Variants in PDE7B observed in about 807,000 individuals in gnomAD.
PDE7B encodes 3',5'-cyclic-AMP phosphodiesterase 7B.
A neutral mutation model predicts 56.2 loss-of-function variants in PDE7B; 29 were observed. The ratio of observed to expected loss-of-function variants is 0.52; its 90% CI spans 0.38 to 0.70. The LOEUF is 0.70. PDE7B is among the 30% of genes least tolerant of loss of function. PDE7B has a pLI of 0.00. For synonymous variants in PDE7B, 197 were observed against 196.9 expected (o/e 1.00, Z 0.00); for missense variants, 490 against 565.0 (o/e 0.87, Z 1.35).
intron 2 of PDE7B, among the ~76,000 whole-genome samples, chr6:136,008,195 G>A (rs190882330): frequency 0.015 from 2,297 of 152,082 alleles, 23 homozygotes; most frequent in Non-Finnish European, 0.024. Context: ...AGTATTCCAT[G>A]GTGTATATGT....
intron 2 of PDE7B, among the ~76,000 whole-genome samples, chr6:136,010,764 T>C (rs991545747): frequency 4.6e-5 from 7 of 152,044 alleles, no homozygotes; most frequent in Admixed American, 1.3e-4. Flanking sequence ...GAGATTTGGG[T>C]GGGAACACAG....
rs560934978 is a variant in PDE7B at position 136,004,365 on chromosome 6, G to A, written c.82+56841G>A. 2.6e-4 allele frequency among the ~76,000 whole-genome samples: 40 copies of A among 152,064 alleles called. No homozygotes were observed. The East Asian group carries it at 7.4e-3, about 28-fold the overall frequency. ...AAGTTCTGGCCAGGGCAATTAGGCA[G>A]GAGAAGGAAATAAAGGGTATTCAAT... On this transcript the variant is annotated intron_variant, in intron 2 of 12. Transcript: ENST00000308191.
rs186474840 is a variant in PDE7B at position 135,917,853 on chromosome 6, A to G, written c.22-29611A>G. 1.1e-4 allele frequency among the ~76,000 whole-genome samples: 16 copies of G among 152,144 alleles called. No individual in the cohort carries two copies. The East Asian group carries it at 2.9e-3, about 28-fold the overall frequency. ...CAGGGCTAAAGTGGCCTCCCTCTTA[A>G]AGTATGGTGATTGGAGATCTCAGCT... On this transcript the variant is annotated intron_variant, in intron 1 of 12. Coordinates refer to ENST00000308191, the MANE Select transcript of PDE7B (RefSeq NM_018945.4).
At chr6:136,153,456 T>C (rs1047859401) in intron 6 of PDE7B, among the ~76,000 whole-genome samples, 1 of 152,192 alleles carries the variant, frequency 6.6e-6, no homozygotes, top group Admixed American at 6.5e-5. Flanking sequence ...CTCTACTTGG[T>C]TCCAAGAGTA....
At chr6:136,017,445 A>T in intron 2 of PDE7B, among the ~76,000 whole-genome samples, 1 of 150,542 alleles carries the variant, frequency 6.6e-6, no homozygotes. Flanking sequence ...GCATCCATTA[A>T]CTCGTCATTT....
At chr6:136,148,091 G>C (rs984174472) in intron 4 of PDE7B, among the ~76,000 whole-genome samples, 2 of 152,050 alleles carry the variant, frequency 1.3e-5, no homozygotes, top group African/African-American at 4.8e-5. Context: ...ACTGCCAAAG[G>C]AATTTAAATT....
chr6:136,062,946 C>T (rs1254384295), intron 2 of PDE7B, among the ~76,000 whole-genome samples: 1 of 152,060 alleles, frequency 6.6e-6, no homozygotes, highest in East Asian at 1.9e-4. Flanking sequence ...TTAACACTGA[C>T]CCATGTTTAG....
At chr6:136,071,752 C>T (rs1292782757) in intron 2 of PDE7B, among the ~76,000 whole-genome samples, 1 of 152,104 alleles carries the variant, frequency 6.6e-6, no homozygotes, top group Non-Finnish European at 1.5e-5. Flanking sequence ...ATGATCACAC[C>T]ACTGCACTCC....
intron 3 of PDE7B, among the ~76,000 whole-genome samples, chr6:136,138,135 G>A (rs1053580509): frequency 6.6e-6 from 1 of 151,988 alleles, no homozygotes; most frequent in Non-Finnish European, 1.5e-5. Context: ...TTATTACCAG[G>A]CACACTGTTA....
intron 1 of PDE7B, among the ~76,000 whole-genome samples, chr6:135,871,933 A>G (rs1775389934): frequency 6.6e-6 from 1 of 152,228 alleles, no homozygotes; most frequent in African/African-American, 2.4e-5. Context: ...TTCTTAGGAA[A>G]CTATGAATGG....
At chr6:136,098,438 G>C (rs374149392) in intron 2 of PDE7B, among the ~76,000 whole-genome samples, 42 of 152,260 alleles carry the variant, frequency 2.8e-4, no homozygotes, top group African/African-American at 9.6e-4. Flanking sequence ...CATCAATCTA[G>C]AAGAAGGACT....
chr6:136,016,047 T>C (rs1362600559), intron 2 of PDE7B, among the ~76,000 whole-genome samples: 1 of 152,230 alleles, frequency 6.6e-6, no homozygotes, highest in Non-Finnish European at 1.5e-5. Flanking sequence ...AACAAGGAAT[T>C]AACTAGATTG....
chr6:136,048,523 G>A (rs1183705169), intron 2 of PDE7B, among the ~76,000 whole-genome samples: 1 of 152,012 alleles, frequency 6.6e-6, no homozygotes, highest in Non-Finnish European at 1.5e-5. Flanking sequence ...TCCAGGGAAG[G>A]CCAAGTTATG....
intron 2 of PDE7B, chr6:136,038,135 G>C: frequency 7.7e-7 from 1 of 1,293,892 alleles, no homozygotes. Context: ...AGCTGGAGAG[G>C]ATCTTACGGG....
intron 3 of PDE7B, among the ~76,000 whole-genome samples, chr6:136,128,526 G>A (rs1435730379): frequency 1.3e-5 from 2 of 152,010 alleles, no homozygotes; most frequent in Non-Finnish European, 2.9e-5. Flanking sequence ...GGTATTATTA[G>A]CTCTGGTTAT....
chr6:135,896,164 G>A (rs1042054369), intron 1 of PDE7B, among the ~76,000 whole-genome samples: 8 of 152,130 alleles, frequency 5.3e-5, no homozygotes, highest in Non-Finnish European at 8.8e-5. Flanking sequence ...ATGAAAACGC[G>A]GGGAGAGAAC....
At chr6:136,160,285 G>A (rs1778681532) in intron 8 of PDE7B, among the ~76,000 whole-genome samples, 1 of 152,076 alleles carries the variant, frequency 6.6e-6, no homozygotes, top group Non-Finnish European at 1.5e-5. Context: ...AACCGGTTAG[G>A]GTTTCAAAGG....
intron 2 of PDE7B, among the ~76,000 whole-genome samples, chr6:136,100,741 C>T (rs978921406): frequency 2.0e-5 from 3 of 152,146 alleles, no homozygotes; most frequent in Admixed American, 6.6e-5. Flanking sequence ...TCCTCTTTTC[C>T]TAATAGAATA....
chr6:136,020,230 T>C (rs1403460114), intron 2 of PDE7B, among the ~76,000 whole-genome samples: 1 of 152,166 alleles, frequency 6.6e-6, no homozygotes. Context: ...TGGATGTTTC[T>C]CGTGGACGAG....
Sources: gnomAD v4.1 joint callset for allele counts (sites outside exome capture counted in the v4.1 genomes callset) on GRCh38, gnomAD v4.1.1 for gene constraint, MANE v1.5 for transcripts, NCBI Gene and HGNC (gene_info 2026-07-23, HGNC 2026-07-21) for gene names.